GALNT1: variants seen among roughly 807,000 people sequenced by gnomAD.
GALNT1 encodes the protein polypeptide N-acetylgalactosaminyltransferase 1, also known as GalNAc transferase 1.
A neutral mutation model predicts 65.7 loss-of-function variants in GALNT1; 17 were observed. The observed-to-expected ratio is 0.26, with a 90% CI of 0.18 to 0.39. GALNT1 has a LOEUF of 0.39. Ranked by LOEUF, GALNT1 falls within the 10% of genes least tolerant of loss-of-function variation. The pLI is 1.00. For missense variants in GALNT1, 460 were observed against 672.8 expected, an observed-to-expected ratio of 0.68 and a Z score of 3.50; for synonymous variants, 210 against 219.7, an observed-to-expected ratio of 0.96 and a Z score of 0.39.
chr18:35,637,073 C>T (rs1032099580), intron 1 of GALNT1, among the ~76,000 whole-genome samples: 12 of 152,174 alleles, frequency 7.9e-5, no homozygotes, highest in South Asian at 6.2e-4. Flanking sequence ...ACTGCTCCGC[C>T]GACCAGCCGT....
rs546187846 is a variant in GALNT1 at position 35,621,488 on chromosome 18, G to C, written c.-103-33072G>C. On this transcript the variant is annotated intron_variant, in intron 1 of 11. Transcript: ENST00000269195. The stretch of plus-strand genomic sequence containing the variant: ...ATTATAGACATGAATCACCGCAATT[G>C]GTCTGTTGTTTGTTTTGGTTTGTAG... Among the ~76,000 whole-genome samples, 4 of 127,360 alleles carry C rather than the reference G, an allele frequency of 3.1e-5. No individual in the cohort carries two copies. The East Asian group carries it at 8.8e-4, about 28-fold the overall frequency. The allele number at this position is 127,360 out of a possible 152,430, so 83.6% of individuals were successfully genotyped here.
chr18:35,644,747 T>C (rs2047207852), intron 1 of GALNT1, among the ~76,000 whole-genome samples: 1 of 152,094 alleles, frequency 6.6e-6, no homozygotes, highest in Non-Finnish European at 1.5e-5. Flanking sequence ...TCCCAGCACT[T>C]TGGGAGGCTG....
intron 1 of GALNT1, among the ~76,000 whole-genome samples, chr18:35,612,684 T>C (rs1025908155): frequency 2.0e-5 from 3 of 152,150 alleles, no homozygotes; most frequent in African/African-American, 7.2e-5. Flanking sequence ...GCCAACGTGA[T>C]GAAACTCTGT....
intron 1 of GALNT1, among the ~76,000 whole-genome samples, chr18:35,650,595 G>T (rs1174223186): frequency 6.6e-6 from 1 of 152,108 alleles, no homozygotes; most frequent in Admixed American, 6.5e-5. Flanking sequence ...TTCCCAAAGC[G>T]GCCATTTCAG....
At position 35,654,593 on chromosome 18, in the gene GALNT1, G is replaced by C; in HGVS notation, c.-70G>C. 1 of 885,666 alleles carries C rather than the reference G, an allele frequency of 1.1e-6. No individual in the cohort carries two copies. Among genetic ancestry groups the C allele is most frequent in the Non-Finnish European group, 1.5e-6 (1 of 672,096 alleles). The allele number at this position is 885,666 out of a possible 1,614,324, so 54.9% of individuals were successfully genotyped here. ...CGTGATTTCTGATGAAACTGGATTGGAATAATTTTCATGATCTTTGTATAT... is the reference window on the plus strand; with the variant it reads ...CGTGATTTCTGATGAAACTGGATTGCAATAATTTTCATGATCTTTGTATAT... On this transcript the variant is annotated 5_prime_UTR_variant, in exon 2 of 12. Transcript: ENST00000269195.
chr18:35,709,703 G>A lies in GALNT1; in HGVS notation c.1613G>A (p.Arg538Lys). Residue 538 changes from arginine to lysine, a missense_variant, in exon 12 of 12, where the codon AGA becomes AAA. By Grantham distance (26) the Arg-to-Lys change is conservative (BLOSUM62 2). Transcript: ENST00000269195. Reference sequence around the variant, plus strand: ...GAGGATAGCCAGGTGCCCAGCATTAGAGACTGCAATGGAAGTCGGTCCCAG... The same window carrying A: ...GAGGATAGCCAGGTGCCCAGCATTAAAGACTGCAATGGAAGTCGGTCCCAG... ...TEEDSQVPSIRDCNGSRSQQW... is the reference protein window; with the variant it reads ...TEEDSQVPSIKDCNGSRSQQW... The A allele has an allele frequency of 6.2e-7, 1 of 1,614,104 alleles. No homozygotes were observed. Among genetic ancestry groups the A allele is most frequent in the Non-Finnish European group, 8.5e-7 (1 of 1,180,002 alleles).
intron 1 of GALNT1, among the ~76,000 whole-genome samples, chr18:35,610,657 C>T (rs1015412744): frequency 1.3e-5 from 2 of 151,986 alleles, no homozygotes; most frequent in Non-Finnish European, 2.9e-5. Context: ...CTGAAGACCC[C>T]GAAGAGTTTG....
At chr18:35,677,523 T>C (rs956275551) in intron 3 of GALNT1, 68 bp from the exon 4 acceptor site, 4 of 1,281,880 alleles carry the variant, frequency 3.1e-6, no homozygotes, top group African/African-American at 3.0e-5. Flanking sequence ...ATCACCCTTC[T>C]AGTCCAGATT....
At chr18:35,601,643 G>A (rs113104739) in intron 1 of GALNT1, among the ~76,000 whole-genome samples, 1 of 151,882 alleles carries the variant, frequency 6.6e-6, no homozygotes, top group Non-Finnish European at 1.5e-5. Context: ...ACTTCATCAC[G>A]GTCAGAAAAG....
At position 35,665,436 on chromosome 18, in the gene GALNT1, G is replaced by A. The variant is rs150464434; in HGVS notation, c.314+1634G>A. On this transcript the variant is annotated intron_variant, in intron 3 of 11. Transcript: ENST00000269195. ...AGTCTCAAAAAGAATTTTAAAAATAGGGAAGAGAAAATTTATCCACAAAAT... is the reference window on the plus strand; with the variant it reads ...AGTCTCAAAAAGAATTTTAAAAATAAGGAAGAGAAAATTTATCCACAAAAT... Among the ~76,000 whole-genome samples the A allele has an allele frequency of 9.1e-3, 1,378 of 152,190 alleles. 22 individuals carry two copies. The highest frequency in any genetic ancestry group is 0.03 in the African/African-American group (1,229 of 41,528).
chr18:35,613,525 C>T (rs112692769), intron 1 of GALNT1, among the ~76,000 whole-genome samples: 131 of 152,162 alleles, frequency 8.6e-4, no homozygotes, highest in African/African-American at 3.0e-3. Flanking sequence ...TACTGGCTCC[C>T]GTGCTGAGGG....
At chr18:35,685,351 C>CTTAT (rs2047852267) in intron 5 of GALNT1, among the ~76,000 whole-genome samples, 1 of 152,074 alleles carries the variant, frequency 6.6e-6, no homozygotes, top group Non-Finnish European at 1.5e-5. Context: ...TGATTACAAA[C>CTTAT]TTATTAAACA....
chr18:35,623,112 G>A (rs2046875741), intron 1 of GALNT1, among the ~76,000 whole-genome samples: 1 of 152,078 alleles, frequency 6.6e-6, no homozygotes, highest in Admixed American at 6.5e-5. Context: ...GAAGAAATCA[G>A]GCTTTTATAT....
At chr18:35,594,447 G>A (rs1243777710) in intron 1 of GALNT1, among the ~76,000 whole-genome samples, 1 of 152,078 alleles carries the variant, frequency 6.6e-6, no homozygotes, top group Non-Finnish European at 1.5e-5. Context: ...GGGTCCAGGA[G>A]AGGAGCTGTA....
intron 1 of GALNT1, among the ~76,000 whole-genome samples, chr18:35,606,815 G>T: frequency 1.5e-5 from 2 of 134,134 alleles, no homozygotes. Context: ...TCTCTTTGTT[G>T]ATGTTTTGTG....
At chr18:35,600,165 C>G (rs770107804) in intron 1 of GALNT1, among the ~76,000 whole-genome samples, 3 of 152,098 alleles carry the variant, frequency 2.0e-5, no homozygotes, top group Non-Finnish European at 4.4e-5. Flanking sequence ...GGAATATTTT[C>G]CCATTTTTAA....
Position 35,709,787 on chromosome 18 carries a change from A to G in GALNT1, c.*17A>G. On this transcript the variant is annotated 3_prime_UTR_variant, in exon 12 of 12. Coordinates refer to ENST00000269195, the MANE Select transcript of GALNT1 (RefSeq NM_020474.4). ...ATATTCTGAGACCAAATTTACAAAA[A>G]AACGAAAAAAATAAGGATTGACTGG... 1 of 1,613,612 alleles carries G rather than the reference A, an allele frequency of 6.2e-7. No individual in the cohort carries two copies. The highest frequency in any genetic ancestry group is 8.5e-7 in the Non-Finnish European group (1 of 1,179,726).
intron 3 of GALNT1, among the ~76,000 whole-genome samples, chr18:35,669,871 C>T (rs1229412643): frequency 6.6e-6 from 1 of 151,948 alleles, no homozygotes; most frequent in African/African-American, 2.4e-5. Flanking sequence ...GTTATGAGGA[C>T]TGGAAGAGAG....
intron 3 of GALNT1, among the ~76,000 whole-genome samples, chr18:35,672,196 G>A (rs1048850054): frequency 1.3e-5 from 2 of 152,172 alleles, no homozygotes; most frequent in African/African-American, 4.8e-5. Flanking sequence ...CACACTTCCT[G>A]GAATCTAGGA....
Sources: allele counts gnomAD v4.1 joint callset (sites outside exome capture counted in the v4.1 genomes callset), GRCh38; gene constraint gnomAD v4.1.1; transcripts MANE v1.5; gene names NCBI Gene and HGNC (gene_info 2026-07-23, HGNC 2026-07-21).